The following WDR36 variants were observed in gnomAD, a reference collection of about 807,000 sequenced individuals.
WDR36 encodes the protein WD repeat-containing protein 36.
A neutral mutation model predicts 112.7 loss-of-function variants in WDR36; 63 were observed. The ratio of observed to expected loss-of-function variants is 0.56; its 90% CI spans 0.46 to 0.69. WDR36 has a LOEUF of 0.69. Among genes scored for constraint, WDR36 ranks in the 30% least tolerant of loss-of-function variants. The probability of loss-of-function intolerance (pLI) is 0.00; values close to 1 mark genes in which losing one functional copy is unlikely to be tolerated. For missense variants in WDR36, 1,226 were observed against 1,070.3 expected (o/e 1.15, Z -2.03); for synonymous variants, 410 against 362.2 (o/e 1.13, Z -1.50).
At chr5:111,101,492 A>G (rs540469709) in intron 5 of WDR36, among the ~76,000 whole-genome samples, 6 of 152,000 alleles carry the variant, frequency 3.9e-5, no homozygotes, top group Admixed American at 1.3e-4. Context: ...AAGTACTTCC[A>G]TAATCTCCCA....
Position 111,104,957 on chromosome 5 carries a change from C to G in WDR36, c.1027+140C>G, listed in dbSNP as rs1419162369. ...AGAAGTCTGGGTAAAACTAAGAGTC[C>G]TTTTTGTCTACTTGAGAAGCACTAT... On this transcript the variant is annotated intron_variant, in intron 9 of 22. Transcript: ENST00000513710. 5 of 1,299,714 alleles carry G rather than the reference C, an allele frequency of 3.8e-6. No individual in the cohort carries two copies. In the African/African-American group the frequency reaches 7.4e-5, roughly 19 times the overall value. The allele number at this position is 1,299,714 out of a possible 1,614,324, so 80.5% of individuals were successfully genotyped here. A position where few individuals can be genotyped will look rare whatever the true frequency, so the allele number is the denominator to read the frequency against.
In WDR36 at chr5:111,120,542, G is replaced by A. The variant is rs1460670959; in HGVS notation, c.1951G>A (p.Ala651Thr). 1 of 1,613,098 alleles carries A rather than the reference G, an allele frequency of 6.2e-7. No individual in the cohort carries two copies. The highest frequency in any genetic ancestry group is 8.5e-7 in the Non-Finnish European group (1 of 1,179,386). Residue 651 changes from alanine to threonine, a missense_variant, in exon 18 of 23, where the codon GCA (alanine) becomes ACA (threonine). Coordinates refer to ENST00000513710, the MANE Select transcript of WDR36 (RefSeq NM_139281.3). ...YSVVSLRPLP[A>T]DYVPSIVMLP... is the part of the protein sequence containing the mutation. ...AGTTGTTTCATTACGGCCACTTCCT[G>A]CAGATTATGTCCCTTCAATAGTCAT... is the stretch of plus-strand genomic sequence containing the variant.
chr5:111,102,497 A>G (rs1753141380), intron 6 of WDR36, 98 bp downstream of exon 6: 2 of 1,190,972 alleles, frequency 1.7e-6, no homozygotes, highest in African/African-American at 1.5e-5. Context: ...AGACGAAACA[A>G]TATATAGCTT....
intron 2 of WDR36, 39 bp from the exon 3 acceptor site, chr5:111,097,040 T>G: frequency 6.6e-7 from 1 of 1,508,214 alleles, no homozygotes; most frequent in Non-Finnish European, 9.2e-7. Flanking sequence ...TTTAACATCT[T>G]AAAAATCCCT....
intron 16 of WDR36, among the ~76,000 whole-genome samples, chr5:111,118,129 A>G (rs1176102955): frequency 6.6e-6 from 1 of 152,198 alleles, no homozygotes; most frequent in Non-Finnish European, 1.5e-5. Flanking sequence ...TAAGATTAAC[A>G]CAAACTCAGG....
rs1206977985 is a variant in WDR36, at chr5:111,104,877, G to A, written c.1027+60G>A. ...GCAAGTATTGAGATGTGGGTGCCCA[G>A]TATGAGGTTTGATATTTACACATAC... On this transcript the variant is annotated intron_variant, in intron 9 of 22. Coordinates refer to ENST00000513710, the MANE Select transcript of WDR36 (RefSeq NM_139281.3). 19 of 1,606,030 alleles carry A rather than the reference G, an allele frequency of 1.2e-5. 1 individual carries two copies. The Admixed American group carries it at 2.0e-4, about 17-fold the overall frequency.
In WDR36 at chr5:111,125,795, G is replaced by T; in HGVS notation, c.2538G>T (p.Lys846Asn). 1 of 1,613,642 alleles carries T rather than the reference G, an allele frequency of 6.2e-7. No homozygotes were observed. Among genetic ancestry groups the T allele is most frequent in the Non-Finnish European group, 8.5e-7 (1 of 1,179,710 alleles). ...LAQAYLALFL[K>N]LHLKMLPSEP... is the part of the protein sequence containing the mutation. ...AGGCATACCTTGCATTGTTTCTAAA[G>T]GTAAGTCTAATGTAAGACAGTACTG... The change falls in exon 22 of 23, where the codon AAG becomes AAT. Residue 846 changes from lysine (K) to asparagine (N), a missense_variant and splice_region_variant. Transcript: ENST00000513710.
chr5:111,124,087 G>A (rs1308344652), intron 20 of WDR36, 21 bp from the exon 21 acceptor site: 1 of 1,609,350 alleles, frequency 6.2e-7, no homozygotes, highest in Non-Finnish European at 8.5e-7. Context: ...TTTGAATAAT[G>A]TGTATTTGTT....
chr5:111,095,942 C>T (rs1315985767), intron 2 of WDR36, among the ~76,000 whole-genome samples: 1 of 152,030 alleles, frequency 6.6e-6, no homozygotes, highest in East Asian at 1.9e-4. Context: ...GTGAGAGAAA[C>T]AGAAGACCTA....
chr5:111,104,372 C>T lies in WDR36; in HGVS notation c.906+20C>T, dbSNP rs146287617. 4.1e-4 allele frequency: 653 copies of T among 1,611,424 alleles called. 4 individuals carry two copies. In the East Asian group the frequency reaches 0.014, roughly 33 times the overall value. On this transcript the variant is annotated intron_variant, in intron 8 of 22. Transcript: ENST00000513710. Reference sequence around the variant, plus strand: ...CTTAGGGTATTATGATTATTGTTAACATCTTCCTGGCTCATCTAACTTACC... The same window carrying T: ...CTTAGGGTATTATGATTATTGTTAATATCTTCCTGGCTCATCTAACTTACC...
rs143100723 is a variant in WDR36, at chr5:111,103,034, T to C, written c.597+635T>C. Among the ~76,000 whole-genome samples the C allele has an allele frequency of 5.3e-3, 806 of 151,686 alleles. 3 individuals are homozygous for C. Among genetic ancestry groups the C allele is most frequent in the African/African-American group, 0.018 (766 of 41,464 alleles). On this transcript the variant is annotated intron_variant, in intron 6 of 22. Coordinates refer to ENST00000513710, the MANE Select transcript of WDR36 (RefSeq NM_139281.3). The stretch of plus-strand genomic sequence containing the variant: ...ATCAGCCTAGCTCCACTTTTGCCTA[T>C]CCAGAAGACTCCATAAGTATCAGAG...
chr5:111,108,865 T>C (rs578184615), intron 12 of WDR36, among the ~76,000 whole-genome samples: 1 of 151,380 alleles, frequency 6.6e-6, no homozygotes, highest in African/African-American at 2.4e-5. Flanking sequence ...ATAGAACATT[T>C]AGTATGTATG....
chr5:111,123,544 TG>T (rs1231899608), intron 19 of WDR36, among the ~76,000 whole-genome samples: 1 of 152,230 alleles, frequency 6.6e-6, no homozygotes, highest in Non-Finnish European at 1.5e-5. Flanking sequence ...AAATGAGCTG[TG>T]TTTGTCTTAG....
intron 15 of WDR36, among the ~76,000 whole-genome samples, chr5:111,112,584 A>G (rs1268713664): frequency 6.6e-6 from 1 of 151,968 alleles, no homozygotes; most frequent in Non-Finnish European, 1.5e-5. Context: ...TCTATTATTT[A>G]TCCATTTTCA....
intron 12 of WDR36, among the ~76,000 whole-genome samples, chr5:111,108,014 C>T (rs970796571): frequency 2.7e-5 from 4 of 150,878 alleles, no homozygotes; most frequent in African/African-American, 9.7e-5. Flanking sequence ...TTATCAATTT[C>T]TGCAAAAAAA....
chr5:111,125,641 G>T lies in WDR36; in HGVS notation c.2384G>T (p.Gly795Val). ...DTALNLLKES[G>V]PSGIETELRS... ...GCTCTCAACCTTCTGAAAGAATCAG[G>T]CCCATCAGGAATTGAAACAGAGCTG... The change falls in exon 22 of 23, where the codon GGC becomes GTC. Residue 795 changes from glycine (G) to valine (V), a missense_variant. Coordinates refer to ENST00000513710, the MANE Select transcript of WDR36 (RefSeq NM_139281.3). 6.2e-7 allele frequency: 1 copy of T among 1,613,716 alleles called. No individual in the cohort carries two copies. The highest frequency in any genetic ancestry group is 8.5e-7 in the Non-Finnish European group (1 of 1,179,790).
chr5:111,113,047 TA>T, intron 15 of WDR36, 26 bp from the exon 16 acceptor site: 2 of 454,266 alleles, frequency 4.4e-6, no homozygotes, highest in African/African-American at 8.5e-5. Context: ...TATATATATA[TA>T]TATATTTTTT....
intron 17 of WDR36, among the ~76,000 whole-genome samples, chr5:111,120,200 A>G (rs1012430846): frequency 3.9e-5 from 6 of 152,178 alleles, no homozygotes; most frequent in Non-Finnish European, 5.9e-5. Flanking sequence ...AAAGGTTGAT[A>G]TATGTCAAAA....
intron 5 of WDR36, among the ~76,000 whole-genome samples, chr5:111,102,144 A>T (rs1753132995): frequency 1.3e-5 from 2 of 151,394 alleles, no homozygotes; most frequent in Non-Finnish European, 3.0e-5. Flanking sequence ...GTGGCATAGC[A>T]TAGTAGTTAG....
Sources: gnomAD v4.1 joint callset for allele counts (sites outside exome capture counted in the v4.1 genomes callset) on GRCh38, gnomAD v4.1.1 for gene constraint, MANE v1.5 for transcripts, NCBI Gene and HGNC (gene_info 2026-07-23, HGNC 2026-07-21) for gene names.